EVI5L: variants seen among roughly 807,000 people sequenced by gnomAD.
The protein encoded by EVI5L is EVI5-like protein.
A neutral mutation model predicts 106.1 loss-of-function variants in EVI5L; 30 were observed. The observed-to-expected ratio is 0.28, with a 90% CI of 0.21 to 0.38. The LOEUF (loss-of-function observed/expected upper bound fraction) is 0.38. EVI5L is among the 10% of genes least tolerant of loss of function. EVI5L has a pLI of 1.00. For synonymous variants in EVI5L, 489 were observed against 483.3 expected (o/e 1.01, Z -0.15); for missense variants, 809 against 1,098.0 (o/e 0.74, Z 3.72).
At chr19:7,831,242 C>T (rs1428310302) in intron 1 of EVI5L, among the ~76,000 whole-genome samples, 2 of 99,476 alleles carry the variant, frequency 2.0e-5, no homozygotes, top group Non-Finnish European at 4.1e-5. Context: ...CACACACACA[C>T]ACACACACAC....
In EVI5L at chr19:7,848,002, G is replaced by A. The variant is rs1429408278; in HGVS notation, c.327+81G>A. 1 of 1,439,604 alleles carries A rather than the reference G, an allele frequency of 6.9e-7. No individual in the cohort carries two copies. Among genetic ancestry groups the A allele is most frequent in the African/African-American group, 1.4e-5 (1 of 69,694 alleles). 89.2% of individuals were successfully genotyped at this position (1,439,604 alleles called of 1,614,324 possible). On this transcript the variant is annotated intron_variant, in intron 3 of 19. Coordinates refer to ENST00000538904, the MANE Select transcript of EVI5L (RefSeq NM_001159944.3). The surrounding 1 kb of genome is among the most constrained non-coding windows in gnomAD (Gnocchi z 4.8). ...TCACTCAGCCACCAGGCAGCGCCAG[G>A]GTCTGCGGGGCCCCAGCCTGGGCAC...
rs904111237 is a variant in EVI5L at position 7,846,819 on chromosome 19, A to C, written c.137+140A>C. On this transcript the variant is annotated intron_variant, in intron 2 of 19. Coordinates refer to ENST00000538904, the MANE Select transcript of EVI5L (RefSeq NM_001159944.3). ...CACCTCCAGATGCTGGATGAGGGAC[A>C]GACACCTCCTTTCATCCTCCCAACC... 1.2e-5 allele frequency: 14 copies of C among 1,174,832 alleles called. No homozygotes were observed. The African/African-American group carries it at 1.8e-4, about 16-fold the overall frequency. 72.8% of individuals were successfully genotyped at this position (1,174,832 alleles called of 1,614,324 possible).
intron 1 of EVI5L, among the ~76,000 whole-genome samples, chr19:7,842,756 G>T (rs966627441): frequency 1.1e-5 from 1 of 91,494 alleles, no homozygotes; most frequent in African/African-American, 3.6e-5. Flanking sequence ...AAGGTACTGG[G>T]TGTGTGTGTA....
chr19:7,860,904 C>G (rs548752683), intron 14 of EVI5L, among the ~76,000 whole-genome samples: 1 of 152,124 alleles, frequency 6.6e-6, no homozygotes, highest in African/African-American at 2.4e-5. Context: ...ATGAGCTTCC[C>G]GGATACCTGC....
intron 1 of EVI5L, among the ~76,000 whole-genome samples, chr19:7,844,347 AAAAG>A (rs1555692439): frequency 2.8e-5 from 4 of 140,904 alleles, no homozygotes; most frequent in East Asian, 4.2e-4. Flanking sequence ...AAAAAAAAAA[AAAAG>A]AAAGAAAGAA....
intron 5 of EVI5L, 56 bp downstream of exon 5, chr19:7,849,386 G>C: frequency 3.8e-6 from 6 of 1,587,056 alleles, no homozygotes; most frequent in African/African-American, 1.3e-5. Context: ...CCCTGGGCTC[G>C]GCCCCCAAGA....
In EVI5L at chr19:7,860,553, T is replaced by G; in HGVS notation, c.1375-8T>G. 1.3e-6 allele frequency: 2 copies of G among 1,576,870 alleles called. No individual in the cohort carries two copies. Among genetic ancestry groups the G allele is most frequent in the Admixed American group, 1.8e-5 (1 of 56,292 alleles). On this transcript the variant is annotated splice_polypyrimidine_tract_variant and splice_region_variant and intron_variant, in intron 13 of 19. Coordinates refer to ENST00000538904, the MANE Select transcript of EVI5L (RefSeq NM_001159944.3). ...CTGGGGCCCCACGCAGCTCTCTGCC[T>G]CCCCCAGGAGAACCCCCGCCTCACA...
At chr19:7,840,710 C>T (rs1358311179) in intron 1 of EVI5L, among the ~76,000 whole-genome samples, 1 of 152,134 alleles carries the variant, frequency 6.6e-6, no homozygotes, top group Non-Finnish European at 1.5e-5. Context: ...TAAAGGGAGT[C>T]ACACAGTGTG....
rs1314473254 is a variant in EVI5L at position 7,864,476 on chromosome 19, G to T, written c.*774G>T. 1 of 152,364 alleles carries T rather than the reference G, an allele frequency of 6.6e-6. No homozygotes were observed. The highest frequency in any genetic ancestry group is 2.4e-5 in the African/African-American group (1 of 41,386). 9.4% of individuals were successfully genotyped at this position (152,364 alleles called of 1,614,324 possible). ...CCCTATCCTGGCCAGTGATGGAGGG[G>T]TATCTCTACAGGGGTCCTCGGTCTC... On this transcript the variant is annotated 3_prime_UTR_variant, in exon 20 of 20. Transcript: ENST00000538904. The surrounding 1 kb of genome is among the most constrained non-coding windows in gnomAD (Gnocchi z 4.5).
At position 7,848,906 on chromosome 19, in the gene EVI5L, C is replaced by G; in HGVS notation, c.328-15C>G. The G allele has an allele frequency of 6.2e-7, 1 of 1,601,386 alleles. No individual in the cohort carries two copies. Among genetic ancestry groups the G allele is most frequent in the Non-Finnish European group, 8.5e-7 (1 of 1,170,902 alleles). ...GGGACCGAGTCCAGCCCCCGCTTCC[C>G]GCTCCCGTGGCCAGGAGCTGATCCG... is the stretch of plus-strand genomic sequence containing the variant. On this transcript the variant is annotated splice_polypyrimidine_tract_variant and intron_variant, in intron 3 of 19. Transcript: ENST00000538904. The surrounding 1 kb of genome is among the most constrained non-coding windows in gnomAD (Gnocchi z 4.8).
chr19:7,862,156 C>A lies in EVI5L; in HGVS notation c.1679C>A (p.Ser560Tyr), dbSNP rs2146440232. ...GCCCGCGGCGGCCGCTGGAAGGAGT[C>A]CCCACGGAAGCTGGTCGTGGGCGAG... is the stretch of plus-strand genomic sequence containing the variant. The part of the protein sequence containing the change: ...HLARGGRWKE[S>Y]PRKLVVGELQ... Residue 560 changes from serine (S) to tyrosine (Y), a missense_variant, in exon 16 of 20, where the codon TCC (serine) becomes TAC (tyrosine). Physicochemically the swap from Ser to Tyr is moderately radical, Grantham distance 144. Around this residue, in one of 2 missense-constraint regions of EVI5L, gnomAD observed 452 missense variants for 509.9 expected, o/e 0.89. Transcript: ENST00000538904. 1.9e-6 allele frequency: 3 copies of A among 1,576,700 alleles called. No individual in the cohort carries two copies. Among genetic ancestry groups the A allele is most frequent in the East Asian group, 2.3e-5 (1 of 43,538 alleles).
Position 7,861,871 on chromosome 19 carries a change from C to A in EVI5L, c.1504-7C>A. 6.4e-7 allele frequency: 1 copy of A among 1,550,768 alleles called. No individual in the cohort carries two copies. Among genetic ancestry groups the A allele is most frequent in the Non-Finnish European group, 8.7e-7 (1 of 1,147,234 alleles). On this transcript the variant is annotated splice_polypyrimidine_tract_variant and splice_region_variant and intron_variant, in intron 14 of 19. Transcript: ENST00000538904. The stretch of plus-strand genomic sequence containing the variant: ...TCCCCCAGGCCCTGACCCCACTCTT[C>A]CCGCAGAGGAACAGCTCGCTGCCCG...
At chr19:7,862,586 C>A (rs750858151) in intron 17 of EVI5L, 52 bp downstream of exon 17, 4 of 1,355,098 alleles carry the variant, frequency 3.0e-6, no homozygotes, top group East Asian at 6.1e-5. Context: ...CCGGACGCGC[C>A]CCTACATGAG....
intron 1 of EVI5L, among the ~76,000 whole-genome samples, chr19:7,844,464 T>C (rs516328): frequency 0.73 from 111,677 of 152,046 alleles, 41,430 homozygotes; most frequent in South Asian, 0.84. Flanking sequence ...TCTGTGGTTC[T>C]GAGGCTCCAG....
At position 7,863,299 on chromosome 19, in the gene EVI5L, G is replaced by A; in HGVS notation, c.2139+19G>A. 6.4e-7 allele frequency: 1 copy of A among 1,551,022 alleles called. No individual in the cohort carries two copies. Among genetic ancestry groups the A allele is most frequent in the Non-Finnish European group, 8.7e-7 (1 of 1,147,318 alleles). Reference sequence around the variant, plus strand: ...GGCCGAGGTGAGCCGGCGCGGGGATGCCGGGGACAGGCCTGGGTGTCGTCG... The same window carrying A: ...GGCCGAGGTGAGCCGGCGCGGGGATACCGGGGACAGGCCTGGGTGTCGTCG... On this transcript the variant is annotated intron_variant, in intron 19 of 19. Coordinates refer to ENST00000538904, the MANE Select transcript of EVI5L (RefSeq NM_001159944.3). The surrounding 1 kb of genome is among the most constrained non-coding windows in gnomAD (Gnocchi z 7.7).
At position 7,858,490 on chromosome 19, in the gene EVI5L, TC is replaced by T; in HGVS notation, c.1374+164del. 1.1e-6 allele frequency: 1 copy of T among 894,286 alleles called. No homozygotes were observed. Among genetic ancestry groups the T allele is most frequent in the Non-Finnish European group, 1.6e-6 (1 of 608,710 alleles). 55.4% of individuals were successfully genotyped at this position (894,286 alleles called of 1,614,324 possible). On this transcript the variant is annotated intron_variant, in intron 13 of 19. Transcript: ENST00000538904. The surrounding 1 kb of genome is among the most constrained non-coding windows in gnomAD (Gnocchi z 5.7). ...GGAACCCAGAGACAAGCGCAGATTCTCCCCCAGCAGCTCCACATTCTGAGAC... is the reference window on the plus strand; with the variant it reads ...GGAACCCAGAGACAAGCGCAGATTCTCCCCAGCAGCTCCACATTCTGAGAC...
chr19:7,854,439 G>A (rs189330070), intron 10 of EVI5L, among the ~76,000 whole-genome samples: 6 of 152,216 alleles, frequency 3.9e-5, no homozygotes, highest in Non-Finnish European at 4.4e-5. Context: ...GGGCAGAGCC[G>A]CACAGTGGCT....
chr19:7,849,164 C>T lies in EVI5L; in HGVS notation c.552+19C>T, dbSNP rs1024585976. On this transcript the variant is annotated intron_variant, in intron 4 of 19. Transcript: ENST00000538904. ...CATGAAGGTGAGGCCCAGGGCTCCC[C>T]GCTCCCTCGGTCCCAAAGGAAGGAG... 8.1e-6 allele frequency: 13 copies of T among 1,611,550 alleles called. No individual in the cohort carries two copies. The highest frequency in any genetic ancestry group is 1.3e-5 in the African/African-American group (1 of 74,896).
chr19:7,831,440 A>G (rs966345562), intron 1 of EVI5L, among the ~76,000 whole-genome samples: 1 of 151,728 alleles, frequency 6.6e-6, no homozygotes, highest in African/African-American at 2.4e-5. Context: ...TCAAGCAGAG[A>G]TTCCAGAGAC....
Sources: gnomAD v4.1 joint callset for allele counts (sites outside exome capture counted in the v4.1 genomes callset) on GRCh38, gnomAD v4.1.1 for gene constraint, gnomAD v4.1.1 regional missense constraint, Gnocchi (gnomAD v3.1) non-coding constraint, MANE v1.5 for transcripts, NCBI Gene and HGNC (gene_info 2026-07-23, HGNC 2026-07-21) for gene names.